Variants in RGS21 observed in about 807,000 individuals in gnomAD.
RGS21 encodes regulator of G-protein signalling 21.
Under a neutral mutation model 18.7 loss-of-function variants are expected in RGS21, and 19 were observed. That is an observed-to-expected ratio of 1.01 (90% CI 0.71 to 1.49). The LOEUF is 1.49. Among genes scored for constraint, RGS21 ranks in the 40% most tolerant of loss-of-function variants. The pLI is 0.00. For synonymous variants in RGS21, 56 were observed against 57.8 expected, an observed-to-expected ratio of 0.97 and a Z score of 0.14; for missense variants, 194 against 176.8, an observed-to-expected ratio of 1.10 and a Z score of -0.55.
intron 1 of RGS21, among the ~76,000 whole-genome samples, chr1:192,319,659 A>G (rs976639561): frequency 3.3e-5 from 5 of 152,128 alleles, no homozygotes; most frequent in South Asian, 2.1e-4. Flanking sequence ...CCAGTTATCA[A>G]TTGTGATTAT....
At chr1:192,348,253 T>C (rs1658985816) in intron 3 of RGS21, among the ~76,000 whole-genome samples, 1 of 152,080 alleles carries the variant, frequency 6.6e-6, no homozygotes, top group South Asian at 2.1e-4. Context: ...CTCGAACTTC[T>C]GACCCCAGAT....
chr1:192,326,213 T>C lies in RGS21; in HGVS notation c.-61+9108T>C, dbSNP rs150186871. ...ACTTTAAAATAATGATGTTTCTTTTTATGTTATACCACTTAATGATATAAA... is the reference window on the plus strand; with the variant it reads ...ACTTTAAAATAATGATGTTTCTTTTCATGTTATACCACTTAATGATATAAA... On this transcript the variant is annotated intron_variant, in intron 1 of 4. Coordinates refer to ENST00000417209, the MANE Select transcript of RGS21 (RefSeq NM_001039152.3). 1.7e-3 allele frequency among the ~76,000 whole-genome samples: 254 copies of C among 152,228 alleles called. 1 individual carries two copies. Among genetic ancestry groups the C allele is most frequent in the African/African-American group, 5.5e-3 (228 of 41,570 alleles).
At chr1:192,350,412 T>G (rs1324651109) in intron 3 of RGS21, among the ~76,000 whole-genome samples, 1 of 152,184 alleles carries the variant, frequency 6.6e-6, no homozygotes, top group Non-Finnish European at 1.5e-5. Context: ...TTTCATTCAC[T>G]TTTCTCTTAT....
At chr1:192,338,640 C>G (rs1658806600) in intron 1 of RGS21, among the ~76,000 whole-genome samples, 2 of 152,036 alleles carry the variant, frequency 1.3e-5, no homozygotes, top group Admixed American at 1.3e-4. Flanking sequence ...ATCATTCTTT[C>G]TTCTTTCCAA....
At chr1:192,357,072 C>G (rs540753856) in intron 4 of RGS21, among the ~76,000 whole-genome samples, 2 of 151,756 alleles carry the variant, frequency 1.3e-5, no homozygotes, top group Non-Finnish European at 2.9e-5. Flanking sequence ...CATGAGTGTC[C>G]TAACAAGGAA....
At chr1:192,365,884 A>C in intron 4 of RGS21, 37 bp from the exon 5 acceptor site, 1 of 1,146,874 alleles carries the variant, frequency 8.7e-7, no homozygotes, top group Non-Finnish European at 1.3e-6. Flanking sequence ...TTCTTTGATT[A>C]AACTAATTCA....
intron 4 of RGS21, among the ~76,000 whole-genome samples, chr1:192,360,227 C>T (rs1390190544): frequency 6.6e-6 from 1 of 152,070 alleles, no homozygotes; most frequent in African/African-American, 2.4e-5. Flanking sequence ...TTCTCTCTAT[C>T]TCTGTTAATA....
chr1:192,323,018 A>G (rs1658517797), intron 1 of RGS21, among the ~76,000 whole-genome samples: 1 of 152,146 alleles, frequency 6.6e-6, no homozygotes, highest in Non-Finnish European at 1.5e-5. Flanking sequence ...ATTTTATATC[A>G]TCTTTGCAAC....
At chr1:192,345,668 T>C (rs902725585) in intron 2 of RGS21, among the ~76,000 whole-genome samples, 1 of 152,070 alleles carries the variant, frequency 6.6e-6, no homozygotes, top group Non-Finnish European at 1.5e-5. Context: ...TCATTCAAAA[T>C]GGGCATTCTG....
chr1:192,330,081 A>C (rs1158032134), intron 1 of RGS21, among the ~76,000 whole-genome samples: 1 of 152,196 alleles, frequency 6.6e-6, no homozygotes, highest in Admixed American at 6.5e-5. Flanking sequence ...GGTGTTGAGA[A>C]GAATTTAAAG....
intron 1 of RGS21, among the ~76,000 whole-genome samples, chr1:192,320,900 T>C (rs939551172): frequency 2.0e-5 from 3 of 152,040 alleles, no homozygotes; most frequent in Non-Finnish European, 2.9e-5. Flanking sequence ...ACACTAATTA[T>C]AATGCTTAAG....
intron 2 of RGS21, among the ~76,000 whole-genome samples, chr1:192,346,056 T>C (rs949333915): frequency 4.6e-5 from 7 of 151,994 alleles, no homozygotes; most frequent in Non-Finnish European, 1.0e-4. Context: ...GTCCCCAAGA[T>C]TTAGTAAGTC....
intron 4 of RGS21, among the ~76,000 whole-genome samples, chr1:192,353,738 A>T (rs544866594): frequency 3.0e-4 from 45 of 151,816 alleles, no homozygotes; most frequent in Non-Finnish European, 5.3e-4. Context: ...AAATTAATTT[A>T]TACTGTAATA....
chr1:192,343,093 T>A, intron 2 of RGS21, 46 bp downstream of exon 2: 1 of 1,566,814 alleles, frequency 6.4e-7, no homozygotes, highest in Non-Finnish European at 8.8e-7. Context: ...GATGTACAAA[T>A]GAAACACTTG....
chr1:192,318,325 C>T (rs1445998721), intron 1 of RGS21, among the ~76,000 whole-genome samples: 1 of 152,042 alleles, frequency 6.6e-6, no homozygotes, highest in African/African-American at 2.4e-5. Flanking sequence ...TGCTAATTGC[C>T]TCTGTGCAAT....
chr1:192,335,596 G>T (rs952184340), intron 1 of RGS21, among the ~76,000 whole-genome samples: 3 of 152,110 alleles, frequency 2.0e-5, no homozygotes, highest in African/African-American at 4.8e-5. Context: ...CTCTACCTTA[G>T]ATAAGAAAAA....
rs144454208 is a variant in RGS21 at position 192,355,724 on chromosome 1, A to C, written c.255+3511A>C. Among the ~76,000 whole-genome samples the C allele has an allele frequency of 2.1e-3, 311 of 151,646 alleles. 1 individual carries two copies. The highest frequency in any genetic ancestry group is 6.2e-3 in the African/African-American group (259 of 41,492). On this transcript the variant is annotated intron_variant, in intron 4 of 4. Coordinates refer to ENST00000417209, the MANE Select transcript of RGS21 (RefSeq NM_001039152.3). ...TTGGATTGCTAATTTCAGATTATTG[A>C]ATTTTCAAGAAAATATTACTTAACT...
At chr1:192,358,189 T>C (rs1347529415) in intron 4 of RGS21, among the ~76,000 whole-genome samples, 1 of 152,048 alleles carries the variant, frequency 6.6e-6, no homozygotes, top group African/African-American at 2.4e-5. Context: ...GTTCTATCTT[T>C]GCTTTGACTA....
At position 192,352,155 on chromosome 1, in the gene RGS21, T is replaced by A; in HGVS notation, c.197T>A (p.Ile66Asn). The A allele has an allele frequency of 1.9e-6, 3 of 1,611,224 alleles. No homozygotes were observed. The South Asian group carries it at 3.3e-5, about 18-fold the overall frequency. The change falls in exon 4 of 5, where the codon ATT becomes AAT. Residue 66 changes from isoleucine to asparagine, a missense_variant. Coordinates refer to ENST00000417209, the MANE Select transcript of RGS21 (RefSeq NM_001039152.3). ...DFKKTKNADK[I>N]ASKAKMIYSE... ...AAGAAAACGAAAAATGCAGACAAAATTGCTTCCAAAGCCAAGATGATTTAT... is the reference window on the plus strand; with the variant it reads ...AAGAAAACGAAAAATGCAGACAAAAATGCTTCCAAAGCCAAGATGATTTAT...
Sources: gnomAD v4.1 joint callset for allele counts (sites outside exome capture counted in the v4.1 genomes callset) on GRCh38, gnomAD v4.1.1 for gene constraint, MANE v1.5 for transcripts, NCBI Gene and HGNC (gene_info 2026-07-23, HGNC 2026-07-21) for gene names.